BCL9: variants seen among roughly 807,000 people sequenced by gnomAD.
BCL9 encodes the protein B-cell CLL/lymphoma 9 protein.
Under a neutral mutation model 88.5 loss-of-function variants are expected in BCL9, and 25 were observed. The ratio of observed to expected loss-of-function variants is 0.28; its 90% CI spans 0.21 to 0.39. The LOEUF (loss-of-function observed/expected upper bound fraction) is 0.39. BCL9 is among the 10% of genes least tolerant of loss of function. The pLI, the probability that BCL9 is intolerant of heterozygous loss-of-function variation, is 1.00. For missense variants in BCL9, 1,817 were observed against 1,877.8 expected, an observed-to-expected ratio of 0.97 and a Z score of 0.60; for synonymous variants, 711 against 673.3, an observed-to-expected ratio of 1.06 and a Z score of -0.87.
At chr1:147,543,141 A>T (rs1654408262) in intron 1 of BCL9, among the ~76,000 whole-genome samples, 1 of 152,166 alleles carries the variant, frequency 6.6e-6, no homozygotes, top group Non-Finnish European at 1.5e-5. Flanking sequence ...TGAGGAAAAA[A>T]AATGTCTGCT....
intron 1 of BCL9, among the ~76,000 whole-genome samples, chr1:147,543,191 C>A (rs1187436002): frequency 2.0e-5 from 3 of 152,194 alleles, no homozygotes; most frequent in Non-Finnish European, 2.9e-5. Context: ...TCTGTTCCTA[C>A]ACATTGATTG....
In BCL9 at chr1:147,620,636, C is replaced by A; in HGVS notation, c.2481C>A (p.Asn827Lys). 1.2e-6 allele frequency: 2 copies of A among 1,614,160 alleles called. No homozygotes were observed. Among genetic ancestry groups the A allele is most frequent in the South Asian group, 2.2e-5 (2 of 91,076 alleles). The change falls in exon 8 of 10, where the codon AAC becomes AAA. Residue 827 changes from asparagine to lysine, a missense_variant. Asn to Lys is a moderately conservative substitution (Grantham distance 94). Around this residue, in one of 2 missense-constraint regions of BCL9, gnomAD observed 1,228 missense variants for 1,191.6 expected, o/e 1.03. Coordinates refer to ENST00000234739, the MANE Select transcript of BCL9 (RefSeq NM_004326.4). ...CACTACCTCTCAACCCTTCCAGTAACCCCACCAGCCTCAACACAGCTCCTC... is the reference window on the plus strand; with the variant it reads ...CACTACCTCTCAACCCTTCCAGTAAACCCACCAGCCTCAACACAGCTCCTC... Reference protein sequence around the residue: ...MPPLPLNPSSNPTSLNTAPPV... With the variant: ...MPPLPLNPSSKPTSLNTAPPV...
At chr1:147,548,739 A>G (rs2101466120) in intron 1 of BCL9, among the ~76,000 whole-genome samples, 1 of 152,262 alleles carries the variant, frequency 6.6e-6, no homozygotes, top group Middle Eastern at 3.4e-3. Context: ...ATACATCCAG[A>G]GGCTGAGGTG....
chr1:147,622,036 G>A (rs587617982), intron 8 of BCL9, among the ~76,000 whole-genome samples: 1 of 152,126 alleles, frequency 6.6e-6, no homozygotes, highest in Non-Finnish European at 1.5e-5. Context: ...CATTCCTGGT[G>A]TGTTTGTCTT....
At chr1:147,548,452 T>A (rs1654719734) in intron 1 of BCL9, among the ~76,000 whole-genome samples, 1 of 152,226 alleles carries the variant, frequency 6.6e-6, no homozygotes, top group African/African-American at 2.4e-5. Context: ...AGATTTATCC[T>A]GGGCATTTCT....
intron 1 of BCL9, among the ~76,000 whole-genome samples, chr1:147,584,661 G>A (rs1656520393): frequency 6.6e-6 from 1 of 152,130 alleles, no homozygotes; most frequent in South Asian, 2.1e-4. Context: ...GACCCTGGCT[G>A]GATTTTCAGA....
At chr1:147,550,342 G>A (rs1553194696) in intron 1 of BCL9, among the ~76,000 whole-genome samples, 1 of 152,040 alleles carries the variant, frequency 6.6e-6, no homozygotes, top group Non-Finnish European at 1.5e-5. Context: ...GCTAATATAA[G>A]CCCATTATGG....
chr1:147,614,439 C>G lies in BCL9; in HGVS notation c.383C>G (p.Ala128Gly). ...TTTATTCTTTTAGAATGTAATTCTG[C>G]TGACCACATAAAGTCCCAGGATTCC... ...DDSDIKECNSADHIKSQDSQH... is the reference protein window; with the variant it reads ...DDSDIKECNSGDHIKSQDSQH... The change falls in exon 6 of 10, where the codon GCT becomes GGT. Residue 128 changes from alanine (A) to glycine (G), a missense_variant. Ala to Gly is a moderately conservative substitution (Grantham distance 60). Coordinates refer to ENST00000234739, the MANE Select transcript of BCL9 (RefSeq NM_004326.4). The G allele has an allele frequency of 6.2e-7, 1 of 1,613,866 alleles. No homozygotes were observed. Among genetic ancestry groups the G allele is most frequent in the South Asian group, 1.1e-5 (1 of 91,070 alleles).
intron 1 of BCL9, among the ~76,000 whole-genome samples, chr1:147,551,164 G>A (rs1213352886): frequency 1.3e-5 from 2 of 152,204 alleles, no homozygotes; most frequent in Non-Finnish European, 2.9e-5. Flanking sequence ...TTCAAACTGC[G>A]ATAGGTGCTA....
At chr1:147,561,149 C>T in intron 1 of BCL9, among the ~76,000 whole-genome samples, 1 of 152,194 alleles carries the variant, frequency 6.6e-6, no homozygotes, top group East Asian at 1.9e-4. Context: ...TTCTGGAATG[C>T]TAATATAGTA....
At chr1:147,595,208 G>T (rs112424493) in intron 1 of BCL9, among the ~76,000 whole-genome samples, 25 of 152,348 alleles carry the variant, frequency 1.6e-4, no homozygotes, top group African/African-American at 6.0e-4. Flanking sequence ...GCAAGGTCTG[G>T]TTGACCAGAT....
intron 1 of BCL9, among the ~76,000 whole-genome samples, chr1:147,603,888 G>A (rs1282984013): frequency 6.6e-6 from 1 of 151,994 alleles, no homozygotes; most frequent in Admixed American, 6.6e-5. Context: ...TTCTGAGAAC[G>A]TTTTTTAAAT....
chr1:147,571,090 G>A lies in BCL9; in HGVS notation c.-478+29416G>A, dbSNP rs373029373. Among the ~76,000 whole-genome samples, 11 of 152,054 alleles carry A rather than the reference G, an allele frequency of 7.2e-5. No individual in the cohort carries two copies. The East Asian group carries it at 9.6e-4, about 13-fold the overall frequency. On this transcript the variant is annotated intron_variant, in intron 1 of 9. Coordinates refer to ENST00000234739, the MANE Select transcript of BCL9 (RefSeq NM_004326.4). Reference sequence around the variant, plus strand: ...CCTGAGAACATAGTAGGTCACACACGTTCCAAGGCATGTCTCATCATAGAG... The same window carrying A: ...CCTGAGAACATAGTAGGTCACACACATTCCAAGGCATGTCTCATCATAGAG...
chr1:147,584,662 G>C (rs1656520551), intron 1 of BCL9, among the ~76,000 whole-genome samples: 1 of 152,156 alleles, frequency 6.6e-6, no homozygotes. Flanking sequence ...ACCCTGGCTG[G>C]ATTTTCAGAC....
rs782503474 is a variant in BCL9 at position 147,620,606 on chromosome 1, G to C, written c.2451G>C (p.Met817Ile). ...DQRTNSRLSH[M>I]PPLPLNPSSN... ...GGACTAACAGCCGGCTCAGTCATAT[G>C]CCACCACTACCTCTCAACCCTTCCA... Residue 817 changes from methionine (M) to isoleucine (I), a missense_variant, in exon 8 of 10, where the codon ATG becomes ATC. Coordinates refer to ENST00000234739, the MANE Select transcript of BCL9 (RefSeq NM_004326.4). 6.2e-7 allele frequency: 1 copy of C among 1,614,042 alleles called. No individual in the cohort carries two copies. Among genetic ancestry groups the C allele is most frequent in the East Asian group, 2.2e-5 (1 of 44,894 alleles).
At chr1:147,587,028 C>CTCTG (rs1279601277) in intron 1 of BCL9, among the ~76,000 whole-genome samples, 4 of 147,250 alleles carry the variant, frequency 2.7e-5, no homozygotes, top group Non-Finnish European at 4.5e-5. Flanking sequence ...CTCTCTTTCT[C>CTCTG]TCTCTCTCTA....
chr1:147,618,992 T>C lies in BCL9; in HGVS notation c.837T>C (p.Pro279=). 1 of 1,611,928 alleles carries C rather than the reference T, an allele frequency of 6.2e-7. No homozygotes were observed. The highest frequency in any genetic ancestry group is 8.5e-7 in the Non-Finnish European group (1 of 1,178,890). The change falls in exon 8 of 10, where the codon CCT becomes CCC. Residue 279 remains proline (P), a synonymous_variant. Transcript: ENST00000234739. ...CACGTCCCCTGGACCGGGAGAGTCC[T>C]GGGGTAGAAAACAAACTGATTCCTT... ...APPRPLDRES[P]GVENKLIPSV...
chr1:147,574,316 T>G (rs1042245582), intron 1 of BCL9, among the ~76,000 whole-genome samples: 2 of 152,224 alleles, frequency 1.3e-5, no homozygotes, highest in Non-Finnish European at 2.9e-5. Flanking sequence ...AGTTGTCATT[T>G]GTGGAAGAAC....
At chr1:147,556,944 A>G (rs1420178225) in intron 1 of BCL9, among the ~76,000 whole-genome samples, 1 of 152,196 alleles carries the variant, frequency 6.6e-6, no homozygotes, top group African/African-American at 2.4e-5. Flanking sequence ...CTCAGTGACC[A>G]TTGACTGACT....
Sources: gnomAD v4.1 joint callset for allele counts (sites outside exome capture counted in the v4.1 genomes callset) on GRCh38, gnomAD v4.1.1 for gene constraint, gnomAD v4.1.1 regional missense constraint, MANE v1.5 for transcripts, NCBI Gene and HGNC (gene_info 2026-07-23, HGNC 2026-07-21) for gene names.